Variants in SIPA1L1 observed in about 807,000 individuals in gnomAD.
SIPA1L1 encodes the protein signal induced proliferation associated 1 like 1, also known as signal-induced proliferation-associated 1-like protein 1.
A neutral mutation model predicts 162.7 loss-of-function variants in SIPA1L1; 26 were observed. The observed-to-expected ratio is 0.16, with a 90% CI of 0.12 to 0.22. The LOEUF is 0.22. SIPA1L1 is among the 10% of genes least tolerant of loss of function. The pLI is 1.00. For missense variants in SIPA1L1, 1,874 were observed against 2,241.0 expected, an observed-to-expected ratio of 0.84 and a Z score of 3.31; for synonymous variants, 829 against 837.4, an observed-to-expected ratio of 0.99 and a Z score of 0.17.
chr14:71,695,002 A>ATTTG (rs2081519887), intron 13 of SIPA1L1, among the ~76,000 whole-genome samples: 3 of 152,216 alleles, frequency 2.0e-5, no homozygotes, highest in South Asian at 2.1e-4. Context: ...ACCTCTTCAA[A>ATTTG]GTGGCAGGAT....
At chr14:71,649,734 A>G (rs1018115162) in intron 7 of SIPA1L1, among the ~76,000 whole-genome samples, 3 of 152,204 alleles carry the variant, frequency 2.0e-5, no homozygotes, top group Non-Finnish European at 4.4e-5. Flanking sequence ...TTGGAAAACT[A>G]TTTGAAAGAG....
intron 4 of SIPA1L1, among the ~76,000 whole-genome samples, chr14:71,577,379 ATTTTTT>A (rs539375533): frequency 7.2e-6 from 1 of 139,214 alleles, no homozygotes; most frequent in Non-Finnish European, 1.6e-5. Context: ...GTGAGCACTT[ATTTTTT>A]TTTTTTTTTG....
chr14:71,558,675 C>T (rs533665601), intron 4 of SIPA1L1, among the ~76,000 whole-genome samples: 2 of 152,096 alleles, frequency 1.3e-5, no homozygotes, highest in South Asian at 4.2e-4. Flanking sequence ...TTTTTAATTT[C>T]CTGAAGCATT....
chr14:71,606,249 A>G (rs1257256728), intron 5 of SIPA1L1, among the ~76,000 whole-genome samples: 1 of 152,130 alleles, frequency 6.6e-6, no homozygotes, highest in Non-Finnish European at 1.5e-5. Flanking sequence ...GGCAGCCCAC[A>G]ACAAAGGCAC....
At chr14:71,494,523 CTTTT>C (rs201797447) in intron 2 of SIPA1L1, among the ~76,000 whole-genome samples, 4 of 126,720 alleles carry the variant, frequency 3.2e-5, no homozygotes, top group African/African-American at 2.9e-5. Context: ...CTTTTCTTTT[CTTTT>C]TTTTTTTTTT....
intron 5 of SIPA1L1, among the ~76,000 whole-genome samples, chr14:71,613,914 A>C (rs1350315450): frequency 6.6e-6 from 1 of 152,064 alleles, no homozygotes; most frequent in Non-Finnish European, 1.5e-5. Flanking sequence ...TAGATCTCAA[A>C]ATTGTAGGCA....
At chr14:71,326,919 C>T (rs1159644482) in intron 2 of SIPA1L1, among the ~76,000 whole-genome samples, 1 of 151,162 alleles carries the variant, frequency 6.6e-6, no homozygotes, top group East Asian at 2.0e-4. Context: ...GCCATGTTGG[C>T]CAGGCTGGTC....
chr14:71,552,015 G>A (rs1409403591), intron 4 of SIPA1L1, among the ~76,000 whole-genome samples: 1 of 152,076 alleles, frequency 6.6e-6, no homozygotes, highest in Admixed American at 6.6e-5. Context: ...CTAGCCATCT[G>A]ACGTTTATCT....
chr14:71,347,565 C>T (rs753677767), intron 2 of SIPA1L1, among the ~76,000 whole-genome samples: 5 of 152,128 alleles, frequency 3.3e-5, no homozygotes, highest in Admixed American at 6.5e-5. Flanking sequence ...CTAAACAATC[C>T]GGGCTTTTGA....
At chr14:71,687,036 T>TGAACTGTTGCATAAAACATTGTCA (rs1237990643) in intron 13 of SIPA1L1, among the ~76,000 whole-genome samples, 4 of 152,248 alleles carry the variant, frequency 2.6e-5, no homozygotes, top group Non-Finnish European at 5.9e-5. Flanking sequence ...GTCTGACTTT[T>TGAACTGTTGCATAAAACATTGTCA]GAACTGTTGC....
intron 2 of SIPA1L1, among the ~76,000 whole-genome samples, chr14:71,478,826 C>T (rs1231935705): frequency 2.0e-5 from 3 of 152,120 alleles, no homozygotes; most frequent in African/African-American, 7.2e-5. Context: ...GATGTTTGCT[C>T]CTACATCTTG....
chr14:71,596,115 A>G (rs1338519455), intron 5 of SIPA1L1, among the ~76,000 whole-genome samples: 1 of 152,192 alleles, frequency 6.6e-6, no homozygotes, highest in Non-Finnish European at 1.5e-5. Flanking sequence ...GTGAAAGATA[A>G]TTTCGCAGAG....
At chr14:71,354,469 G>C (rs918300593) in intron 2 of SIPA1L1, among the ~76,000 whole-genome samples, 3 of 151,816 alleles carry the variant, frequency 2.0e-5, no homozygotes, top group African/African-American at 2.4e-5. Flanking sequence ...TAGAGGGGGG[G>C]TTTCACCATG....
At position 71,650,505 on chromosome 14, in the gene SIPA1L1, C is replaced by G. The variant is rs762725839; in HGVS notation, c.1989C>G (p.Thr663=). The G allele has an allele frequency of 3.5e-5, 56 of 1,613,434 alleles. No homozygotes were observed. The highest frequency in any genetic ancestry group is 4.5e-5 in the Non-Finnish European group (53 of 1,179,590). Residue 663 remains threonine, a synonymous_variant, in exon 8 of 24, where the codon ACC becomes ACG. Coordinates refer to ENST00000381232, the MANE Select transcript of SIPA1L1 (RefSeq NM_001386936.1). ...GFEKYRAQLD[T]KTDSTGTHSL... ...AGAAGTATCGAGCACAGCTTGATAC[C>G]AAAAGTAAGAAATACTTACACCCTC...
At chr14:71,626,733 T>C (rs577654908) in intron 7 of SIPA1L1, among the ~76,000 whole-genome samples, 5 of 152,300 alleles carry the variant, frequency 3.3e-5, no homozygotes, top group African/African-American at 7.2e-5. Flanking sequence ...CAGAAGGAGC[T>C]TTAAATCTCT....
chr14:71,671,230 T>G lies in SIPA1L1; in HGVS notation c.2367T>G (p.Ile789Met). The G allele has an allele frequency of 1.2e-6, 2 of 1,614,170 alleles. No individual in the cohort carries two copies. Among genetic ancestry groups the G allele is most frequent in the Non-Finnish European group, 1.7e-6 (2 of 1,180,032 alleles). Residue 789 changes from isoleucine (I) to methionine (M), a missense_variant, in exon 11 of 24, where the codon ATT becomes ATG. Coordinates refer to ENST00000381232, the MANE Select transcript of SIPA1L1 (RefSeq NM_001386936.1). ...GGGACTTCCTTTTGGCGAAAGTGAT[T>G]AATGCAGAAAATGCTGCTCATAAAT... Reference protein sequence around the residue: ...VFRDFLLAKVINAENAAHKSE... With the variant: ...VFRDFLLAKVMNAENAAHKSE...
chr14:71,507,069 A>T (rs988582232), intron 2 of SIPA1L1, among the ~76,000 whole-genome samples: 6 of 152,238 alleles, frequency 3.9e-5, no homozygotes, highest in African/African-American at 1.4e-4. Flanking sequence ...TATTACGCTT[A>T]TTCACAGTCT....
At chr14:71,718,169 C>T (rs1050421211) in intron 17 of SIPA1L1, among the ~76,000 whole-genome samples, 2 of 152,144 alleles carry the variant, frequency 1.3e-5, no homozygotes, top group Non-Finnish European at 2.9e-5. Context: ...AGGATTGGGA[C>T]ACAAGAAAGT....
intron 2 of SIPA1L1, among the ~76,000 whole-genome samples, chr14:71,494,602 T>TAA (rs2049575984): frequency 6.6e-6 from 1 of 151,338 alleles, no homozygotes; most frequent in African/African-American, 2.4e-5. Flanking sequence ...TCTTGGCTTA[T>TAA]TGTAGCCTCA....
Sources: allele counts gnomAD v4.1 joint callset (sites outside exome capture counted in the v4.1 genomes callset), GRCh38; gene constraint gnomAD v4.1.1; transcripts MANE v1.5; gene names NCBI Gene and HGNC (gene_info 2026-07-23, HGNC 2026-07-21).